ME1: variants seen among roughly 807,000 people sequenced by gnomAD.
ME1 encodes malic enzyme 1.
In ME1, 74 loss-of-function variants were observed where a neutral mutation model predicts 66.4. That is an observed-to-expected ratio of 1.11 (90% CI 0.92 to 1.35). ME1 has a LOEUF of 1.35. Ranked by LOEUF, ME1 falls within the 40% of genes most tolerant of loss-of-function variation. ME1 has a pLI of 0.00. For synonymous variants in ME1, 251 were observed against 235.6 expected (o/e 1.07, Z -0.60); for missense variants, 750 against 694.1 (o/e 1.08, Z -0.90).
intron 7 of ME1, among the ~76,000 whole-genome samples, chr6:83,248,284 A>G (rs1790659551): frequency 6.6e-6 from 1 of 152,226 alleles, no homozygotes; most frequent in South Asian, 2.1e-4. Context: ...GGACATTTAC[A>G]TCAGACCCAC....
Position 83,242,092 on chromosome 6 carries a change from A to G in ME1, c.815-2456T>C, listed in dbSNP as rs145425381. ...TGGCCAGACTGGTCTCACACCCCTG[A>G]CCTCAGGTGATCTGCCCGCCTCAGC... On this transcript the variant is annotated intron_variant, in intron 7 of 13. Coordinates refer to ENST00000369705, the MANE Select transcript of ME1 (RefSeq NM_002395.6). 9.2e-3 allele frequency among the ~76,000 whole-genome samples: 1,393 copies of G among 152,164 alleles called. 19 individuals are homozygous for G. The highest frequency in any genetic ancestry group is 0.031 in the African/African-American group (1,306 of 41,506).
At chr6:83,397,393 C>T (rs921699412) in intron 3 of ME1, among the ~76,000 whole-genome samples, 1 of 152,176 alleles carries the variant, frequency 6.6e-6, no homozygotes, top group East Asian at 1.9e-4. Flanking sequence ...CATCACTAAT[C>T]ATCACAGAAA....
At chr6:83,369,278 C>T (rs1265871546) in intron 3 of ME1, among the ~76,000 whole-genome samples, 2 of 152,100 alleles carry the variant, frequency 1.3e-5, no homozygotes, top group African/African-American at 2.4e-5. Flanking sequence ...ATTACTGACA[C>T]TGAACTTACT....
At chr6:83,257,073 A>G (rs935691327) in intron 6 of ME1, among the ~76,000 whole-genome samples, 9 of 152,064 alleles carry the variant, frequency 5.9e-5, no homozygotes, top group Non-Finnish European at 1.2e-4. Context: ...GGATAACATT[A>G]GGAGAAATAC....
intron 6 of ME1, among the ~76,000 whole-genome samples, chr6:83,308,527 A>G (rs1413611748): frequency 6.6e-6 from 1 of 151,742 alleles, no homozygotes; most frequent in African/African-American, 2.4e-5. Flanking sequence ...AAACAAACAC[A>G]CATATTTAAG....
Position 83,239,589 on chromosome 6 carries a change from T to G in ME1, c.862A>C (p.Thr288Pro). ...GTTTGATCAGACAGTTTGTTCTTGG[T>G]TATTCGAAGAGCTGCAAGGAGACCT... The part of the protein sequence containing the change: ...VAGLLAALRI[T>P]KNKLSDQTIL... The change falls in exon 8 of 14, where the codon ACC becomes CCC. Residue 288 changes from threonine (T) to proline (P), a missense_variant. Coordinates refer to ENST00000369705, the MANE Select transcript of ME1 (RefSeq NM_002395.6). 1 of 1,613,480 alleles carries G rather than the reference T, an allele frequency of 6.2e-7. No individual in the cohort carries two copies. Among genetic ancestry groups the G allele is most frequent in the South Asian group, 1.1e-5 (1 of 90,996 alleles).
intron 4 of ME1, among the ~76,000 whole-genome samples, chr6:83,346,919 CTCCTTCCT>C (rs368621149): frequency 2.0e-5 from 3 of 151,452 alleles, no homozygotes; most frequent in South Asian, 2.1e-4. Flanking sequence ...TTTTGTCTTT[CTCCTTCCT>C]TCCTTCCTTC....
intron 3 of ME1, among the ~76,000 whole-genome samples, chr6:83,355,803 TTAAA>T (rs1768877526): frequency 6.6e-6 from 1 of 152,088 alleles, no homozygotes; most frequent in South Asian, 2.1e-4. Context: ...ATAAAAAAGT[TTAAA>T]TAAGAAAGGT....
intron 3 of ME1, among the ~76,000 whole-genome samples, chr6:83,390,621 C>T (rs1351560354): frequency 1.3e-5 from 2 of 152,056 alleles, no homozygotes; most frequent in Non-Finnish European, 2.9e-5. Context: ...AAAATATACA[C>T]ACTAAATTGC....
chr6:83,356,596 T>G (rs567454280), intron 3 of ME1, among the ~76,000 whole-genome samples: 2 of 152,202 alleles, frequency 1.3e-5, no homozygotes, highest in South Asian at 4.1e-4. Flanking sequence ...AGAATGGCCT[T>G]TGAGAAGAAA....
At chr6:83,358,748 A>T (rs1380565586) in intron 3 of ME1, among the ~76,000 whole-genome samples, 1 of 152,134 alleles carries the variant, frequency 6.6e-6, no homozygotes, top group East Asian at 1.9e-4. Flanking sequence ...TAGTGGCAAC[A>T]TCCCCTCCTG....
At chr6:83,323,294 A>C (rs1042032126) in intron 5 of ME1, among the ~76,000 whole-genome samples, 1 of 152,228 alleles carries the variant, frequency 6.6e-6, no homozygotes, top group African/African-American at 2.4e-5. Context: ...GAGCAAATTC[A>C]AACAACAATA....
chr6:83,320,650 AT>A lies in ME1; in HGVS notation c.601-5238del, dbSNP rs557305070. On this transcript the variant is annotated intron_variant, in intron 5 of 13. Coordinates refer to ENST00000369705, the MANE Select transcript of ME1 (RefSeq NM_002395.6). ...AATACTTTCTCCATGTCTAGAATAT[AT>A]TTAGACTTCTAAAATGTGAATTAGA... is the stretch of plus-strand genomic sequence containing the variant. Among the ~76,000 whole-genome samples the A allele has an allele frequency of 5.4e-4, 82 of 152,348 alleles. 1 individual carries two copies. Among genetic ancestry groups the A allele is most frequent in the African/African-American group, 1.7e-3 (71 of 41,592 alleles).
At chr6:83,282,878 G>A (rs1349076443) in intron 6 of ME1, among the ~76,000 whole-genome samples, 2 of 152,130 alleles carry the variant, frequency 1.3e-5, no homozygotes, top group East Asian at 3.9e-4. Flanking sequence ...ATCAATGATA[G>A]ACTGGGTAAA....
At chr6:83,380,591 G>GA (rs1583409177) in intron 3 of ME1, among the ~76,000 whole-genome samples, 1 of 151,968 alleles carries the variant, frequency 6.6e-6, no homozygotes, top group African/African-American at 2.4e-5. Flanking sequence ...AAAGGAAGGG[G>GA]AAAAAATCCT....
chr6:83,291,402 A>C (rs1767500274), intron 6 of ME1, among the ~76,000 whole-genome samples: 1 of 152,204 alleles, frequency 6.6e-6, no homozygotes, highest in Non-Finnish European at 1.5e-5. Flanking sequence ...TGGATATGAA[A>C]TTCTAGGTTG....
At chr6:83,306,115 C>G (rs1190452712) in intron 6 of ME1, among the ~76,000 whole-genome samples, 1 of 152,026 alleles carries the variant, frequency 6.6e-6, no homozygotes, top group Non-Finnish European at 1.5e-5. Flanking sequence ...TTAGGTTGAT[C>G]TATAACTCAG....
chr6:83,250,944 A>T (rs556962592), intron 7 of ME1, among the ~76,000 whole-genome samples: 1 of 152,390 alleles, frequency 6.6e-6, no homozygotes, highest in East Asian at 1.9e-4. Context: ...TGTAAACAAT[A>T]TATAAACAAG....
chr6:83,313,122 C>A (rs1281331384), intron 6 of ME1, among the ~76,000 whole-genome samples: 2 of 152,146 alleles, frequency 1.3e-5, no homozygotes, highest in African/African-American at 4.8e-5. Context: ...ACAATCATTT[C>A]CCACTTTGAA....
Sources: allele counts gnomAD v4.1 joint callset (sites outside exome capture counted in the v4.1 genomes callset), GRCh38; gene constraint gnomAD v4.1.1; transcripts MANE v1.5; gene names NCBI Gene and HGNC (gene_info 2026-07-23, HGNC 2026-07-21).